The following RYR2 variants were observed in gnomAD, a reference collection of about 807,000 sequenced individuals.
RYR2 encodes the protein cardiac muscle ryanodine receptor-calcium release channel.
Under a neutral mutation model 601.1 loss-of-function variants are expected in RYR2, and 227 were observed. The ratio of observed to expected loss-of-function variants is 0.38; its 90% CI spans 0.34 to 0.42. The LOEUF (loss-of-function observed/expected upper bound fraction) is 0.42, where lower values mean the gene tolerates loss of function less well. RYR2 is among the 10% of genes least tolerant of loss of function. The probability of loss-of-function intolerance (pLI) is 1.00; values close to 1 mark genes in which losing one functional copy is unlikely to be tolerated. For missense variants in RYR2, 4,646 were observed against 6,156.5 expected (o/e 0.75, Z 8.21); for synonymous variants, 2,223 against 2,175.1 (o/e 1.02, Z -0.61).
At position 237,666,587 on chromosome 1, in the gene RYR2, C is replaced by G; in HGVS notation, c.8512C>G (p.His2838Asp). ...MSNVTLSRDLHAMAEMMAENY... is the reference protein window; with the variant it reads ...MSNVTLSRDLDAMAEMMAENY... Reference sequence around the variant, plus strand: ...CAATGTTACACTATCTAGAGACCTGCATGTAAGTACTATTAACTTTTAAAA... The same window carrying G: ...CAATGTTACACTATCTAGAGACCTGGATGTAAGTACTATTAACTTTTAAAA... Residue 2838 changes from histidine (H) to aspartate (D), a missense_variant and splice_region_variant, in exon 57 of 105, where the codon CAT becomes GAT. Around this residue, in one of 17 missense-constraint regions of RYR2, gnomAD observed 1,497 missense variants for 1,842.6 expected, o/e 0.81. Coordinates refer to ENST00000366574, the MANE Select transcript of RYR2 (RefSeq NM_001035.3). 2.5e-6 allele frequency: 4 copies of G among 1,609,134 alleles called. No individual in the cohort carries two copies. The highest frequency in any genetic ancestry group is 3.4e-6 in the Non-Finnish European group (4 of 1,176,890).
chr1:237,244,896 C>A (rs268784), intron 1 of RYR2, among the ~76,000 whole-genome samples: 135,978 of 152,132 alleles, frequency 0.89, 62,548 homozygotes, highest in East Asian at 1. Context: ...TGTTTATTTC[C>A]TAAAGTCCAA....
rs192719030 is a variant in RYR2, at chr1:237,633,515, G to A, written c.6556-63G>A. 3.1e-5 allele frequency: 50 copies of A among 1,600,198 alleles called. 1 individual carries two copies. The African/African-American group carries it at 3.8e-4, about 12-fold the overall frequency. On this transcript the variant is annotated intron_variant, in intron 42 of 104. Transcript: ENST00000366574. The stretch of plus-strand genomic sequence containing the variant: ...TTGACGATGTGATTGAGACCTCAAC[G>A]TATGAACTCAATTTTATAAAGGTCG...
rs71561879 is a variant in RYR2, at chr1:237,511,834, GA to G, written c.2822+68del. 0.039 allele frequency: 7,176 copies of G among 184,240 alleles called. 4 individuals carry two copies. The highest frequency in any genetic ancestry group is 0.059 in the East Asian group (545 of 9,192). The allele number at this position is 184,240 out of a possible 1,614,324, so 11.4% of individuals were successfully genotyped here. A position where few individuals can be genotyped will look rare whatever the true frequency, so the allele number is the denominator to read the frequency against. ...TTCTATTTTCCAACCTGCCTTCCCT[GA>G]AAAAAAAAAAAAAAAAAAAAAAAAC... On this transcript the variant is annotated intron_variant, in intron 24 of 104. Coordinates refer to ENST00000366574, the MANE Select transcript of RYR2 (RefSeq NM_001035.3).
At chr1:237,155,109 A>T (rs1275986585) in intron 1 of RYR2, among the ~76,000 whole-genome samples, 5 of 151,966 alleles carry the variant, frequency 3.3e-5, no homozygotes, top group Admixed American at 2.0e-4. Flanking sequence ...AAAAGAGGGA[A>T]GTGAAATAAA....
At chr1:237,505,347 CA>C (rs1665108234) in intron 22 of RYR2, among the ~76,000 whole-genome samples, 1 of 152,146 alleles carries the variant, frequency 6.6e-6, no homozygotes, top group Non-Finnish European at 1.5e-5. Flanking sequence ...TTTAGATATT[CA>C]AAGTTTGTTT....
intron 2 of RYR2, among the ~76,000 whole-genome samples, chr1:237,308,777 A>G (rs1366286192): frequency 6.6e-6 from 1 of 152,222 alleles, no homozygotes; most frequent in Non-Finnish European, 1.5e-5. Context: ...TACACCGTGG[A>G]AAGGGACCTG....
intron 1 of RYR2, among the ~76,000 whole-genome samples, chr1:237,057,080 A>G (rs1301395966): frequency 6.6e-6 from 1 of 152,210 alleles, no homozygotes; most frequent in Admixed American, 6.5e-5. Context: ...CCAGTGAGGC[A>G]GATTGGAGGC....
At chr1:237,488,580 T>A (rs1190295915) in intron 17 of RYR2, among the ~76,000 whole-genome samples, 1 of 152,190 alleles carries the variant, frequency 6.6e-6, no homozygotes, top group East Asian at 1.9e-4. Flanking sequence ...TACATCCACA[T>A]GGCCTGAAGC....
intron 1 of RYR2, among the ~76,000 whole-genome samples, chr1:237,176,242 G>A (rs1296685255): frequency 8.6e-5 from 12 of 140,208 alleles, no homozygotes; most frequent in South Asian, 2.3e-4. Flanking sequence ...GTCTCTTAAT[G>A]AAAAAAATAT....
At chr1:237,155,268 C>T (rs2485587) in intron 1 of RYR2, among the ~76,000 whole-genome samples, 62,029 of 149,402 alleles carry the variant, frequency 0.42, 15,623 homozygotes, top group Non-Finnish European at 0.55. Flanking sequence ...CTCCACCTCC[C>T]GAGTTCACGC....
At chr1:237,305,664 T>G (rs376117322) in intron 2 of RYR2, among the ~76,000 whole-genome samples, 2 of 152,200 alleles carry the variant, frequency 1.3e-5, no homozygotes, top group Admixed American at 1.3e-4. Flanking sequence ...ACTCCTGGGC[T>G]CAGGTGATCC....
chr1:237,662,382 C>T (rs1313110340), intron 56 of RYR2, among the ~76,000 whole-genome samples: 1 of 151,644 alleles, frequency 6.6e-6, no homozygotes, highest in Admixed American at 6.6e-5. Flanking sequence ...TCCTAAAAGT[C>T]ATAAAATAGT....
chr1:237,796,517 C>A (rs1043841401), intron 96 of RYR2, among the ~76,000 whole-genome samples: 4 of 152,110 alleles, frequency 2.6e-5, no homozygotes, highest in Admixed American at 2.6e-4. Context: ...TTCATAGGCT[C>A]TTTCTTTTGG....
At chr1:237,688,681 T>C (rs1453993730) in intron 63 of RYR2, among the ~76,000 whole-genome samples, 1 of 152,194 alleles carries the variant, frequency 6.6e-6, no homozygotes, top group Non-Finnish European at 1.5e-5. Context: ...GTTTAACTTC[T>C]CTTCAACAGA....
chr1:237,820,051 G>C (rs766671347), intron 101 of RYR2, among the ~76,000 whole-genome samples: 15 of 151,892 alleles, frequency 9.9e-5, no homozygotes, highest in Non-Finnish European at 2.1e-4. Flanking sequence ...GCCTGGTGTG[G>C]TGGTGTGAAC....
chr1:237,656,809 A>G (rs1325476250), intron 53 of RYR2, among the ~76,000 whole-genome samples: 1 of 152,180 alleles, frequency 6.6e-6, no homozygotes, highest in East Asian at 1.9e-4. Context: ...GTGGTATGCC[A>G]TTAGTTTGAT....
At chr1:237,752,505 A>T (rs1420332284) in intron 80 of RYR2, among the ~76,000 whole-genome samples, 2 of 152,146 alleles carry the variant, frequency 1.3e-5, no homozygotes, top group Non-Finnish European at 2.9e-5. Context: ...CGTTTTAAAC[A>T]AAGTTGTAGT....
chr1:237,082,802 C>T (rs1305747476), intron 1 of RYR2, among the ~76,000 whole-genome samples: 3 of 151,838 alleles, frequency 2.0e-5, no homozygotes, highest in African/African-American at 4.8e-5. Context: ...TGTGAATACA[C>T]GTTTTCAGTC....
intron 1 of RYR2, among the ~76,000 whole-genome samples, chr1:237,216,490 C>T (rs753144773): frequency 1.3e-4 from 20 of 152,052 alleles, no homozygotes; most frequent in Non-Finnish European, 2.8e-4. Context: ...GTAATCCCAG[C>T]ACTTTGAGAG....
Sources: allele counts gnomAD v4.1 joint callset (sites outside exome capture counted in the v4.1 genomes callset), GRCh38; gene constraint gnomAD v4.1.1; regional missense constraint gnomAD v4.1.1; transcripts MANE v1.5; gene names NCBI Gene and HGNC (gene_info 2026-07-23, HGNC 2026-07-21).